KPNA6: variants seen among roughly 807,000 people sequenced by gnomAD.
KPNA6 encodes the protein importin subunit alpha-7.
A neutral mutation model predicts 72.0 loss-of-function variants in KPNA6; 9 were observed. The observed-to-expected ratio is 0.13, with a 90% confidence interval of 0.08 to 0.22. The LOEUF (loss-of-function observed/expected upper bound fraction) is 0.22. KPNA6 is among the 10% of genes least tolerant of loss of function. The pLI, the probability that KPNA6 is intolerant of heterozygous loss-of-function variation, is 1.00. For missense variants in KPNA6, 374 were observed against 655.7 expected (o/e 0.57, Z 4.69); for synonymous variants, 219 against 242.1 (o/e 0.90, Z 0.89).
chr1:32,168,486 G>A (rs1034171411), intron 12 of KPNA6, among the ~76,000 whole-genome samples: 2 of 152,216 alleles, frequency 1.3e-5, no homozygotes, highest in African/African-American at 2.4e-5. Context: ...CACCTGGCCT[G>A]TGTACTCTTT....
intron 1 of KPNA6, among the ~76,000 whole-genome samples, chr1:32,112,618 G>A (rs912164611): frequency 3.9e-5 from 6 of 152,108 alleles, no homozygotes; most frequent in Admixed American, 2.0e-4. Flanking sequence ...TCAGCCTCCT[G>A]AGTAGCTGGG....
At chr1:32,170,660 A>G (rs773767178) in intron 13 of KPNA6, 47 bp from the exon 14 acceptor site, 1 of 1,539,768 alleles carries the variant, frequency 6.5e-7, no homozygotes, top group South Asian at 1.1e-5. Flanking sequence ...TCACCTGCCC[A>G]TAGAAAAGCA....
chr1:32,163,107 A>AAAAAAAAG, intron 9 of KPNA6, 128 bp from the exon 10 acceptor site: 1 of 660,290 alleles, frequency 1.5e-6, no homozygotes, highest in African/African-American at 1.8e-5. Context: ...CTGTCTCAAA[A>AAAAAAAAG]AAAAAAGAAA....
chr1:32,121,195 T>C (rs906618313), intron 1 of KPNA6, among the ~76,000 whole-genome samples: 1 of 152,070 alleles, frequency 6.6e-6, no homozygotes, highest in Non-Finnish European at 1.5e-5. Flanking sequence ...CTTTGAGTAA[T>C]GTGGTAGTCC....
chr1:32,113,245 T>C (rs1381345926), intron 1 of KPNA6, among the ~76,000 whole-genome samples: 1 of 151,994 alleles, frequency 6.6e-6, no homozygotes, highest in African/African-American at 2.4e-5. Flanking sequence ...TTTAAAAAAT[T>C]AGCTGGGTGT....
Position 32,158,262 on chromosome 1 carries a change from T to A in KPNA6, c.332-5T>A. ...TGTTTTTATTTTCCCTTCTCCCTTA[T>A]CCAGAGCCTAGTCCTCCAATAGATG... is the stretch of plus-strand genomic sequence containing the variant. On this transcript the variant is annotated splice_polypyrimidine_tract_variant and splice_region_variant and intron_variant, in intron 4 of 13. Coordinates refer to ENST00000373625, the MANE Select transcript of KPNA6 (RefSeq NM_012316.5). 6.2e-7 allele frequency: 1 copy of A among 1,601,924 alleles called. No homozygotes were observed. The highest frequency in any genetic ancestry group is 8.6e-7 in the Non-Finnish European group (1 of 1,169,564).
chr1:32,131,955 A>ATATT (rs1278433331), intron 1 of KPNA6, among the ~76,000 whole-genome samples: 14 of 150,768 alleles, frequency 9.3e-5, no homozygotes, highest in African/African-American at 2.4e-4. Context: ...TTTATTTTTT[A>ATATT]TATTTATTTA....
chr1:32,142,827 T>G, intron 1 of KPNA6: 1 of 582,616 alleles, frequency 1.7e-6, no homozygotes, highest in Non-Finnish European at 2.6e-6. Context: ...CTTGTGCAGA[T>G]GTTCCTCCTT....
chr1:32,157,276 A>G (rs916581374), intron 3 of KPNA6, 70 bp from the exon 4 acceptor site: 23 of 1,165,140 alleles, frequency 2.0e-5, no homozygotes, highest in Non-Finnish European at 2.8e-5. Context: ...CAGGATGCCA[A>G]GCAGTATTAT....
intron 1 of KPNA6, among the ~76,000 whole-genome samples, chr1:32,135,834 C>T (rs925475045): frequency 6.6e-6 from 1 of 151,124 alleles, no homozygotes; most frequent in African/African-American, 2.4e-5. Context: ...TAGTGGTTGC[C>T]CAGCTCTATA....
At chr1:32,143,658 G>A (rs995335528) in intron 1 of KPNA6, among the ~76,000 whole-genome samples, 26 of 151,574 alleles carry the variant, frequency 1.7e-4, no homozygotes, top group African/African-American at 6.1e-4. Context: ...CAATACAGTG[G>A]CATTAATTAC....
At chr1:32,114,678 T>C (rs983738565) in intron 1 of KPNA6, among the ~76,000 whole-genome samples, 1 of 152,182 alleles carries the variant, frequency 6.6e-6, no homozygotes, top group Non-Finnish European at 1.5e-5. Context: ...AAGCCAGGCA[T>C]TGACTTCTCT....
At chr1:32,117,389 G>A (rs1400533688) in intron 1 of KPNA6, among the ~76,000 whole-genome samples, 1 of 151,368 alleles carries the variant, frequency 6.6e-6, no homozygotes, top group Admixed American at 6.6e-5. Flanking sequence ...GGCCAGGCTG[G>A]TCTTGAACTC....
intron 7 of KPNA6, among the ~76,000 whole-genome samples, 162 bp from the exon 8 acceptor site, chr1:32,161,785 G>A (rs1642242877): frequency 6.6e-6 from 1 of 152,142 alleles, no homozygotes; most frequent in Non-Finnish European, 1.5e-5. Context: ...TATAGAGCCT[G>A]GCCTCCTAAC....
chr1:32,166,999 T>C (rs1266867944), intron 11 of KPNA6, among the ~76,000 whole-genome samples, 170 bp from the exon 12 acceptor site: 23 of 152,140 alleles, frequency 1.5e-4, no homozygotes, highest in Non-Finnish European at 3.4e-4. Context: ...AGAAGCTGTG[T>C]AACCAAAACT....
intron 1 of KPNA6, among the ~76,000 whole-genome samples, chr1:32,149,123 A>G (rs1641984353): frequency 6.6e-6 from 1 of 151,678 alleles, no homozygotes; most frequent in African/African-American, 2.4e-5. Flanking sequence ...TTTTTTTTCT[A>G]TCTGCTTGTA....
At chr1:32,113,563 C>T (rs539791022) in intron 1 of KPNA6, among the ~76,000 whole-genome samples, 1 of 152,256 alleles carries the variant, frequency 6.6e-6, no homozygotes, top group Admixed American at 6.5e-5. Flanking sequence ...AGCAATCCTC[C>T]TACTTCAGCC....
chr1:32,133,449 G>C (rs1285730773), intron 1 of KPNA6, among the ~76,000 whole-genome samples: 1 of 146,504 alleles, frequency 6.8e-6, no homozygotes, highest in African/African-American at 2.5e-5. Flanking sequence ...AGAGGCCAAG[G>C]CCAGAGGATC....
chr1:32,147,821 A>T (rs1380530845), intron 1 of KPNA6, among the ~76,000 whole-genome samples: 2 of 150,890 alleles, frequency 1.3e-5, no homozygotes, highest in Non-Finnish European at 3.0e-5. Context: ...CACCATGCCC[A>T]GCTAATTTTT....
Sources: gnomAD v4.1 joint callset for allele counts (sites outside exome capture counted in the v4.1 genomes callset) on GRCh38, gnomAD v4.1.1 for gene constraint, MANE v1.5 for transcripts, NCBI Gene and HGNC (gene_info 2026-07-23, HGNC 2026-07-21) for gene names.